The following ITPRID1 variants were observed in gnomAD, a reference collection of about 807,000 sequenced individuals.
The protein encoded by ITPRID1 is ITPR interacting domain containing 1.
In ITPRID1, 96 loss-of-function variants were observed where a neutral mutation model predicts 95.4. The observed-to-expected ratio is 1.01, with a 90% CI of 0.85 to 1.19. The LOEUF (loss-of-function observed/expected upper bound fraction) is 1.19. Ranked by LOEUF, ITPRID1 falls within the 50% of genes most tolerant of loss-of-function variation. The probability of loss-of-function intolerance (pLI) is 0.00; values close to 1 mark genes in which losing one functional copy is unlikely to be tolerated. For missense variants in ITPRID1, 1,339 were observed against 1,252.9 expected, an observed-to-expected ratio of 1.07 and a Z score of -1.04; for synonymous variants, 510 against 453.6, an observed-to-expected ratio of 1.12 and a Z score of -1.58.
chr7:31,545,806 A>G (rs1033175801), intron 1 of ITPRID1, among the ~76,000 whole-genome samples: 5 of 152,042 alleles, frequency 3.3e-5, no homozygotes, highest in Non-Finnish European at 5.9e-5. Context: ...AGAACACTCT[A>G]TTCCCCAGGA....
chr7:31,534,018 T>C (rs867270547), intron 1 of ITPRID1, among the ~76,000 whole-genome samples: 1 of 152,274 alleles, frequency 6.6e-6, no homozygotes, highest in South Asian at 2.1e-4. Flanking sequence ...AGCCATGGTA[T>C]TAGATCCTCA....
chr7:31,578,253 A>G lies in ITPRID1; in HGVS notation c.989A>G (p.His330Arg). 1.2e-6 allele frequency: 2 copies of G among 1,613,822 alleles called. No individual in the cohort carries two copies. The highest frequency in any genetic ancestry group is 1.7e-6 in the Non-Finnish European group (2 of 1,179,796). The change falls in exon 9 of 15, where the codon CAT becomes CGT. Residue 330 changes from histidine (H) to arginine (R), a missense_variant. By Grantham distance (29) the His-to-Arg change is conservative (BLOSUM62 0). Coordinates refer to ENST00000615280, the MANE Select transcript of ITPRID1 (RefSeq NM_001257967.3). ...ACDDLLPYPP[H>R]GLLSKQWPCS... ...GATGATTTGCTACCTTATCCTCCTC[A>G]TGGTCTTCTGAGCAAGCAGTGGCCT...
intron 5 of ITPRID1, among the ~76,000 whole-genome samples, chr7:31,564,463 A>G (rs2128140887): frequency 6.6e-6 from 1 of 152,282 alleles, no homozygotes; most frequent in African/African-American, 2.4e-5. Flanking sequence ...CTGGTTTAAA[A>G]AAACCTAACC....
chr7:31,655,703 A>G lies in ITPRID1; in HGVS notation c.*2874A>G, dbSNP rs1022769750. On this transcript the variant is annotated 3_prime_UTR_variant, in exon 15 of 15. Transcript: ENST00000615280. ...TATATCATGGCTCAGCTCCCAGCCA[A>G]ATTGACTCCTGATGCATTGCATTTG... is the stretch of plus-strand genomic sequence containing the variant. 1.4e-5 allele frequency: 14 copies of G among 985,250 alleles called. No individual in the cohort carries two copies. The highest frequency in any genetic ancestry group is 3.5e-5 in the African/African-American group (2 of 57,190). 61.0% of individuals were successfully genotyped at this position (985,250 alleles called of 1,614,324 possible).
chr7:31,516,489 C>G (rs907755544), intron 1 of ITPRID1, among the ~76,000 whole-genome samples: 1 of 152,102 alleles, frequency 6.6e-6, no homozygotes, highest in Admixed American at 6.6e-5. Flanking sequence ...TCAGAGAAAT[C>G]CCAGGGAGGG....
At chr7:31,542,196 C>G (rs955470358) in intron 1 of ITPRID1, among the ~76,000 whole-genome samples, 8 of 152,116 alleles carry the variant, frequency 5.3e-5, no homozygotes, top group African/African-American at 1.9e-4. Flanking sequence ...GAATTATGTA[C>G]TAGTTATAGA....
chr7:31,577,860 C>A lies in ITPRID1; in HGVS notation c.599-3C>A. On this transcript the variant is annotated splice_region_variant and splice_polypyrimidine_tract_variant and intron_variant, in intron 8 of 14. Coordinates refer to ENST00000615280, the MANE Select transcript of ITPRID1 (RefSeq NM_001257967.3). ...AAACTTTCGTGTTTCTTGTGTTGTG[C>A]AGGTCGTTTCCGACAGCTGGAAATC... The A allele has an allele frequency of 6.3e-7, 1 of 1,579,948 alleles. No individual in the cohort carries two copies. Among genetic ancestry groups the A allele is most frequent in the South Asian group, 1.2e-5 (1 of 85,716 alleles).
chr7:31,578,427 T>C lies in ITPRID1; in HGVS notation c.1163T>C (p.Met388Thr). The C allele has an allele frequency of 1.2e-6, 2 of 1,603,382 alleles. No homozygotes were observed. Among genetic ancestry groups the C allele is most frequent in the South Asian group, 2.2e-5 (2 of 89,268 alleles). The change falls in exon 9 of 15, where the codon ATG (methionine) becomes ACG (threonine). Residue 388 changes from methionine to threonine, a missense_variant. Met to Thr is a moderately conservative substitution (Grantham distance 81). Transcript: ENST00000615280. Reference sequence around the variant, plus strand: ...GGCAAAGGACCAGACTCATTTGAAATGGAAGAGGTCAGTGCTGCACCAACG... The same window carrying C: ...GGCAAAGGACCAGACTCATTTGAAACGGAAGAGGTCAGTGCTGCACCAACG... Reference protein sequence around the residue: ...LAGKGPDSFEMEEVQSFEEET... With the variant: ...LAGKGPDSFETEEVQSFEEET...
At chr7:31,518,356 C>T (rs905608804) in intron 1 of ITPRID1, 2 of 152,118 alleles carry the variant, frequency 1.3e-5, no homozygotes, top group Admixed American at 1.3e-4. Flanking sequence ...TGTGTGTTGC[C>T]TAAAACTACT....
chr7:31,638,816 G>T (rs548099698), intron 10 of ITPRID1, among the ~76,000 whole-genome samples: 1 of 151,862 alleles, frequency 6.6e-6, no homozygotes, highest in Non-Finnish European at 1.5e-5. Context: ...TTGCTCTGTC[G>T]CCCAGGCTGG....
Position 31,652,732 on chromosome 7 carries a change from C to T in ITPRID1, c.3038C>T (p.Thr1013Ile). The part of the protein sequence containing the change: ...AFTPPTLENS[T>I]RMSPSSSAWA... ...ACTCCACCCACCTTGGAGAACAGCA[C>T]CAGGATGTCTCCTTCATCATCAGCT... Residue 1013 changes from threonine (T) to isoleucine (I), a missense_variant, in exon 15 of 15, where the codon ACC becomes ATC. By Grantham distance (89) the Thr-to-Ile change is moderately conservative (BLOSUM62 -1). Transcript: ENST00000615280. The T allele has an allele frequency of 3.1e-6, 5 of 1,613,812 alleles. No individual in the cohort carries two copies. Among genetic ancestry groups the T allele is most frequent in the Non-Finnish European group, 4.2e-6 (5 of 1,179,884 alleles).
Position 31,574,589 on chromosome 7 carries a change from T to C in ITPRID1, c.445T>C (p.Leu149=), listed in dbSNP as rs1785109348. 4 of 1,613,816 alleles carry C rather than the reference T, an allele frequency of 2.5e-6. No homozygotes were observed. Among genetic ancestry groups the C allele is most frequent in the South Asian group, 1.1e-5 (1 of 91,086 alleles). ...GGAGATAGATCCAGTGGAGATTCTCTTGGATCTGGGGTTTGGTGCTGATGA... is the reference window on the plus strand; with the variant it reads ...GGAGATAGATCCAGTGGAGATTCTCCTGGATCTGGGGTTTGGTGCTGATGA... ...FWEIDPVEIL[L]DLGFGADEPD... is the part of the protein sequence containing the mutation. The change falls in exon 8 of 15, where the codon TTG becomes CTG. Residue 149 remains leucine (L), a synonymous_variant. Coordinates refer to ENST00000615280, the MANE Select transcript of ITPRID1 (RefSeq NM_001257967.3).
In ITPRID1 at chr7:31,656,445, A is replaced by G. The variant is rs993551456; in HGVS notation, c.*3616A>G. Reference sequence around the variant, plus strand: ...ATGTCCATCACGTAGTAAGTGTTCAATGCATGTTGGCTATTATTACAAGTG... The same window carrying G: ...ATGTCCATCACGTAGTAAGTGTTCAGTGCATGTTGGCTATTATTACAAGTG... On this transcript the variant is annotated 3_prime_UTR_variant, in exon 15 of 15. Coordinates refer to ENST00000615280, the MANE Select transcript of ITPRID1 (RefSeq NM_001257967.3). The G allele has an allele frequency of 1.3e-5, 12 of 910,154 alleles. No individual in the cohort carries two copies. The highest frequency in any genetic ancestry group is 1.6e-5 in the Non-Finnish European group (12 of 761,350). The allele number at this position is 910,154 out of a possible 1,614,324, so 56.4% of individuals were successfully genotyped here. A position where few individuals can be genotyped will look rare whatever the true frequency, so the allele number is the denominator to read the frequency against.
At chr7:31,618,937 C>G (rs535280946) in intron 10 of ITPRID1, among the ~76,000 whole-genome samples, 1 of 152,146 alleles carries the variant, frequency 6.6e-6, no homozygotes, top group Non-Finnish European at 1.5e-5. Context: ...TCATATGTGT[C>G]GAGAGAGTAG....
rs138128234 is a variant in ITPRID1, at chr7:31,643,284, C to T, written c.1914C>T (p.Ser638=). 60 of 1,613,734 alleles carry T rather than the reference C, an allele frequency of 3.7e-5. No individual in the cohort carries two copies. Among genetic ancestry groups the T allele is most frequent in the Non-Finnish European group, 5.0e-5 (59 of 1,179,878 alleles). ...ACCACAGCTTACTCGTACCAGAAAGCTCATCACAGTGTATCCCCAAGCACA... is the reference window on the plus strand; with the variant it reads ...ACCACAGCTTACTCGTACCAGAAAGTTCATCACAGTGTATCCCCAAGCACA... ...HTNHSLLVPE[S]SSQCIPKHSE... Residue 638 remains serine (S), a synonymous_variant, in exon 12 of 15, where the codon AGC becomes AGT. Coordinates refer to ENST00000615280, the MANE Select transcript of ITPRID1 (RefSeq NM_001257967.3).
chr7:31,578,270 C>G lies in ITPRID1; in HGVS notation c.1006C>G (p.Gln336Glu). The change falls in exon 9 of 15, where the codon CAG becomes GAG. Residue 336 changes from glutamine (Q) to glutamate (E), a missense_variant. Gln to Glu is a conservative substitution (Grantham distance 29, BLOSUM62 2). Coordinates refer to ENST00000615280, the MANE Select transcript of ITPRID1 (RefSeq NM_001257967.3). The part of the protein sequence containing the change: ...PYPPHGLLSK[Q>E]WPCSSMPAKQ... ...TCCTCCTCATGGTCTTCTGAGCAAGCAGTGGCCTTGCTCATCTATGCCGGC... is the reference window on the plus strand; with the variant it reads ...TCCTCCTCATGGTCTTCTGAGCAAGGAGTGGCCTTGCTCATCTATGCCGGC... 2 of 1,613,926 alleles carry G rather than the reference C, an allele frequency of 1.2e-6. No individual in the cohort carries two copies. Among genetic ancestry groups the G allele is most frequent in the Non-Finnish European group, 1.7e-6 (2 of 1,179,842 alleles).
At chr7:31,604,486 A>T (rs1786531257) in intron 10 of ITPRID1, among the ~76,000 whole-genome samples, 1 of 152,218 alleles carries the variant, frequency 6.6e-6, no homozygotes, top group Non-Finnish European at 1.5e-5. Context: ...GTAGAACTAG[A>T]TTTACAGTTC....
intron 10 of ITPRID1, among the ~76,000 whole-genome samples, chr7:31,627,285 G>C (rs1788552620): frequency 6.6e-6 from 1 of 152,086 alleles, no homozygotes; most frequent in Admixed American, 6.6e-5. Context: ...AAAATGGGTT[G>C]GAATCAGTAA....
chr7:31,621,815 T>C (rs1175116881), intron 10 of ITPRID1, among the ~76,000 whole-genome samples: 4 of 151,106 alleles, frequency 2.6e-5, no homozygotes, highest in Non-Finnish European at 5.9e-5. Flanking sequence ...GACTGGCAAA[T>C]TGGATAAAGA....
Sources: gnomAD v4.1 joint callset for allele counts (sites outside exome capture counted in the v4.1 genomes callset) on GRCh38, gnomAD v4.1.1 for gene constraint, MANE v1.5 for transcripts, NCBI Gene and HGNC (gene_info 2026-07-23, HGNC 2026-07-21) for gene names.